Variants in USP14 observed in about 807,000 individuals in gnomAD.
USP14 encodes the protein ubiquitin specific peptidase 14.
A neutral mutation model predicts 76.5 loss-of-function variants in USP14; 38 were observed. The observed-to-expected ratio is 0.50, with a 90% confidence interval of 0.38 to 0.65. USP14 has a LOEUF of 0.65. Among genes scored for constraint, USP14 ranks in the 30% least tolerant of loss-of-function variants. The pLI is 0.00. For synonymous variants in USP14, 192 were observed against 191.7 expected, an observed-to-expected ratio of 1.00 and a Z score of -0.01; for missense variants, 467 against 586.5, an observed-to-expected ratio of 0.80 and a Z score of 2.10.
intron 5 of USP14, 105 bp downstream of exon 5, chr18:180,444 T>G: frequency 2.9e-6 from 2 of 699,284 alleles, no homozygotes; most frequent in Non-Finnish European, 4.8e-6. Context: ...ATTAATTTAT[T>G]ATACAATTCA....
At chr18:159,585 A>T (rs1909059466) in intron 1 of USP14, among the ~76,000 whole-genome samples, 1 of 152,210 alleles carries the variant, frequency 6.6e-6, no homozygotes, top group African/African-American at 2.4e-5. Context: ...TTCAGCATTT[A>T]CAAAGCATGA....
At position 206,194 on chromosome 18, in the gene USP14, C is replaced by T. The variant is rs369473697; in HGVS notation, c.1164+1502C>T. Reference sequence around the variant, plus strand: ...TTCCACCAGCAAGGTGAGACTGATTCACTTTCTCTGCATTCTCACCAGCAT... The same window carrying T: ...TTCCACCAGCAAGGTGAGACTGATTTACTTTCTCTGCATTCTCACCAGCAT... On this transcript the variant is annotated intron_variant, in intron 13 of 15. Transcript: ENST00000261601. Among the ~76,000 whole-genome samples the T allele has an allele frequency of 9.8e-5, 15 of 152,342 alleles. No homozygotes were observed. The East Asian group carries it at 2.5e-3, about 25-fold the overall frequency.
chr18:186,147 C>T lies in USP14; in HGVS notation c.404+5808C>T, dbSNP rs139115406. On this transcript the variant is annotated intron_variant, in intron 5 of 15. Coordinates refer to ENST00000261601, the MANE Select transcript of USP14 (RefSeq NM_005151.4). ...CAGGATATGATGAAAATGCATCATA[C>T]ATTTAATTCATACAGATTGAAGATG... 5.8e-3 allele frequency among the ~76,000 whole-genome samples: 882 copies of T among 152,296 alleles called. 7 individuals carry two copies. The highest frequency in any genetic ancestry group is 0.011 in the Non-Finnish European group (725 of 68,022).
At chr18:172,674 G>T (rs971673384) in intron 3 of USP14, among the ~76,000 whole-genome samples, 2 of 151,916 alleles carry the variant, frequency 1.3e-5, no homozygotes, top group Non-Finnish European at 2.9e-5. Flanking sequence ...CCCCCCACCT[G>T]CAAGAAGATC....
chr18:203,252 C>T (rs1910431751), intron 12 of USP14, 62 bp downstream of exon 12: 2 of 1,424,772 alleles, frequency 1.4e-6, no homozygotes. Flanking sequence ...TGCTAACTCA[C>T]AATTGCTTTC....
At chr18:162,524 A>G (rs1339986048) in intron 1 of USP14, among the ~76,000 whole-genome samples, 2 of 152,142 alleles carry the variant, frequency 1.3e-5, no homozygotes, top group African/African-American at 4.8e-5. Flanking sequence ...ATGACTCAGA[A>G]TCTGTATTCC....
intron 5 of USP14, 62 bp from the exon 6 acceptor site, chr18:192,780 T>G: frequency 6.5e-7 from 1 of 1,535,610 alleles, no homozygotes; most frequent in East Asian, 2.3e-5. Context: ...AACTGGTTTC[T>G]TCCCATTTGA....
intron 6 of USP14, among the ~76,000 whole-genome samples, chr18:193,319 T>C (rs1910142708): frequency 6.6e-6 from 1 of 152,190 alleles, no homozygotes; most frequent in Non-Finnish European, 1.5e-5. Context: ...GGTTTCTTCA[T>C]TGCATAAGAG....
At position 208,866 on chromosome 18, in the gene USP14, G is replaced by A. The variant is rs537130141; in HGVS notation, c.1165-1105G>A. On this transcript the variant is annotated intron_variant, in intron 13 of 15. Transcript: ENST00000261601. The stretch of plus-strand genomic sequence containing the variant: ...GTTCAAGCAATTCTCATGCCTCAGC[G>A]TCCCGAGTAGCTGGGATTACAGGCG... Among the ~76,000 whole-genome samples, 13 of 152,102 alleles carry A rather than the reference G, an allele frequency of 8.5e-5. No individual in the cohort carries two copies. The South Asian group carries it at 2.1e-3, about 24-fold the overall frequency.
chr18:212,409 A>C lies in USP14; in HGVS notation c.*1125A>C, dbSNP rs1178177048. On this transcript the variant is annotated 3_prime_UTR_variant, in exon 16 of 16. Transcript: ENST00000261601. ...TTCACTGGAGGTTGAGTTCGAGACC[A>C]GCCTGGCCACATGGTGAAACCCTGT... 1 of 152,264 alleles carries C rather than the reference A, an allele frequency of 6.6e-6. No individual in the cohort carries two copies. The highest frequency in any genetic ancestry group is 6.5e-5 in the Admixed American group (1 of 15,276). 9.4% of individuals were successfully genotyped at this position (152,264 alleles called of 1,614,324 possible). A position where few individuals can be genotyped will look rare whatever the true frequency, so the allele number is the denominator to read the frequency against.
intron 5 of USP14, among the ~76,000 whole-genome samples, chr18:182,552 A>C (rs183493837): frequency 4.6e-5 from 7 of 152,342 alleles, no homozygotes; most frequent in Admixed American, 3.3e-4. Context: ...TTATCAGTGA[A>C]CAAGACACAG....
intron 1 of USP14, among the ~76,000 whole-genome samples, chr18:160,031 G>A (rs967848797): frequency 2.6e-5 from 4 of 152,142 alleles, no homozygotes; most frequent in African/African-American, 9.7e-5. Context: ...GTCTGAGCGC[G>A]GTGGCTCACG....
rs1838858793 is a variant in USP14 at position 213,736 on chromosome 18, T to TTA, written c.*2454_*2455dup. The TTA allele has an allele frequency of 6.6e-6, 1 of 152,402 alleles. No homozygotes were observed. Among genetic ancestry groups the TTA allele is most frequent in the African/African-American group, 2.4e-5 (1 of 41,460 alleles). 9.4% of individuals were successfully genotyped at this position (152,402 alleles called of 1,614,324 possible). A position where few individuals can be genotyped will look rare whatever the true frequency, so the allele number is the denominator to read the frequency against. Reference sequence around the variant, plus strand: ...ATCTTAGAGCCCTAAAGGGAAATGCTTATGTGGGAACAAGAAAAGTCGGTG... The same window carrying TTA: ...ATCTTAGAGCCCTAAAGGGAAATGCTTATATGTGGGAACAAGAAAAGTCGGTG... On this transcript the variant is annotated 3_prime_UTR_variant, in exon 16 of 16. Coordinates refer to ENST00000261601, the MANE Select transcript of USP14 (RefSeq NM_005151.4).
intron 5 of USP14, among the ~76,000 whole-genome samples, chr18:180,928 G>A (rs923189098): frequency 6.7e-6 from 1 of 150,020 alleles, no homozygotes; most frequent in Non-Finnish European, 1.5e-5. Flanking sequence ...GTTCACTCAC[G>A]TTACAGCACA....
chr18:183,956 C>A (rs115546629), intron 5 of USP14, among the ~76,000 whole-genome samples: 1 of 152,208 alleles, frequency 6.6e-6, no homozygotes, highest in African/African-American at 2.4e-5. Context: ...TGGAGATAGC[C>A]TTGGCTCACT....
Position 164,403 on chromosome 18 carries a change from A to ATT in USP14, c.162+961_162+962dup, listed in dbSNP as rs61620947. On this transcript the variant is annotated intron_variant, in intron 2 of 15. Coordinates refer to ENST00000261601, the MANE Select transcript of USP14 (RefSeq NM_005151.4). ...AAGCCCTGGTTCTGGAAAACTGTTC[A>ATT]TTTTTTTTTTTTGGCCTTTATTGCA... Among the ~76,000 whole-genome samples, 529 of 144,734 alleles carry ATT rather than the reference A, an allele frequency of 3.7e-3. 1 individual carries two copies. Among genetic ancestry groups the ATT allele is most frequent in the African/African-American group, 0.012 (493 of 39,720 alleles). 95.0% of individuals were successfully genotyped at this position (144,734 alleles called of 152,430 possible). A position where few individuals can be genotyped will look rare whatever the true frequency, so the allele number is the denominator to read the frequency against.
At chr18:197,316 T>TTTCCATCCTGC (rs1910264483) in intron 7 of USP14, among the ~76,000 whole-genome samples, 1 of 152,240 alleles carries the variant, frequency 6.6e-6, no homozygotes, top group Admixed American at 6.5e-5. Flanking sequence ...TCACTTACTG[T>TTTCCATCCTGC]TTCCATCCTG....
At position 211,278 on chromosome 18, in the gene USP14, A is replaced by G. The variant is rs1385062635; in HGVS notation, c.1479A>G (p.Glu493=). 1.1e-5 allele frequency: 18 copies of G among 1,605,426 alleles called. No individual in the cohort carries two copies. The highest frequency in any genetic ancestry group is 1.4e-5 in the Non-Finnish European group (16 of 1,175,536). The change falls in exon 16 of 16, where the codon GAA becomes GAG. Residue 493 remains glutamate, a synonymous_variant. Coordinates refer to ENST00000261601, the MANE Select transcript of USP14 (RefSeq NM_005151.4). ...TTGAAATAATGGAAGAGGAAAGTGA[A>G]CAGTAATCTTCATTTTAGTATTTAT... ...RRVEIMEEES[E]Q
At chr18:169,226 A>G (rs1002082891) in intron 3 of USP14, among the ~76,000 whole-genome samples, 13 of 151,940 alleles carry the variant, frequency 8.6e-5, no homozygotes, top group Admixed American at 3.3e-4. Context: ...CCCCGTCTCT[A>G]TTAAAAATAC....
Sources: gnomAD v4.1 joint callset for allele counts (sites outside exome capture counted in the v4.1 genomes callset) on GRCh38, gnomAD v4.1.1 for gene constraint, MANE v1.5 for transcripts, NCBI Gene and HGNC (gene_info 2026-07-23, HGNC 2026-07-21) for gene names.